MUSK: variants seen among roughly 807,000 people sequenced by gnomAD.
MUSK encodes the protein muscle, skeletal receptor tyrosine-protein kinase.
Under a neutral mutation model 88.7 loss-of-function variants are expected in MUSK, and 55 were observed. The observed-to-expected ratio is 0.62, with a 90% confidence interval of 0.50 to 0.78. The LOEUF is 0.78. MUSK is among the 30% of genes least tolerant of loss of function. The probability of loss-of-function intolerance (pLI) is 0.00; values close to 1 mark genes in which losing one functional copy is unlikely to be tolerated. For missense variants in MUSK, 1,015 were observed against 1,074.3 expected (o/e 0.94, Z 0.77); for synonymous variants, 387 against 391.9 (o/e 0.99, Z 0.15).
At chr9:110,730,952 AACTT>A (rs1453671683) in intron 5 of MUSK, among the ~76,000 whole-genome samples, 2 of 151,968 alleles carry the variant, frequency 1.3e-5, no homozygotes, top group African/African-American at 2.4e-5. Context: ...TGACCTGGTA[AACTT>A]ACTTACACAC....
rs948002796 is a variant in MUSK at position 110,806,038 on chromosome 9, A to G, written c.*5050A>G. Among the ~76,000 whole-genome samples the G allele has an allele frequency of 2.6e-5, 4 of 152,062 alleles. No homozygotes were observed. The highest frequency in any genetic ancestry group is 9.7e-5 in the African/African-American group (4 of 41,444). The stretch of plus-strand genomic sequence containing the variant: ...TAAAAAAACTCACAAGAGGGTAAAA[A>G]TTAAAAAAATAATAAAAGTTCCCTT... On this transcript the variant is annotated 3_prime_UTR_variant, in exon 15 of 15. Transcript: ENST00000374448.
rs199586122 is a variant in MUSK at position 110,695,457 on chromosome 9, C to T, written c.413C>T (p.Ala138Val). The T allele has an allele frequency of 2.6e-6, 4 of 1,547,740 alleles. No homozygotes were observed. The highest frequency in any genetic ancestry group is 1.4e-5 in the African/African-American group (1 of 73,458). ...INVKIIEGLK[A>V]VLPCTTMGNP... ...GTGAAAATAATAGAGGGATTAAAAG[C>T]AGTCCTACCATGTACTACAATGGGT... is the stretch of plus-strand genomic sequence containing the variant. Residue 138 changes from alanine (A) to valine (V), a missense_variant, in exon 4 of 15, where the codon GCA becomes GTA. Physicochemically the swap from Ala to Val is moderately conservative, Grantham distance 64 (BLOSUM62 0). Transcript: ENST00000374448.
Position 110,715,115 on chromosome 9 carries a change from T to C in MUSK, c.628+17649T>C, listed in dbSNP as rs527881059. Among the ~76,000 whole-genome samples the C allele has an allele frequency of 2.7e-5, 4 of 149,712 alleles. No homozygotes were observed. In the East Asian group the frequency reaches 7.8e-4, roughly 29 times the overall value. On this transcript the variant is annotated intron_variant, in intron 5 of 14. Transcript: ENST00000374448. ...CGTTACAAAATAAAATAAAGCCTTC[T>C]CCCTTTGAAGTCCGCTAAAGGAACA... is the stretch of plus-strand genomic sequence containing the variant.
At chr9:110,704,057 A>G (rs2131746072) in intron 5 of MUSK, among the ~76,000 whole-genome samples, 1 of 152,314 alleles carries the variant, frequency 6.6e-6, no homozygotes, top group African/African-American at 2.4e-5. Context: ...ACTTTCATCT[A>G]TCCTTACAAT....
intron 7 of MUSK, among the ~76,000 whole-genome samples, chr9:110,760,480 T>C (rs1384468526): frequency 2.0e-5 from 3 of 152,054 alleles, no homozygotes; most frequent in African/African-American, 7.2e-5. Context: ...AAATACTGCA[T>C]GTTCCCACTT....
chr9:110,768,127 A>G (rs1350699806), intron 9 of MUSK, 44 bp downstream of exon 9: 1 of 1,546,300 alleles, frequency 6.5e-7, no homozygotes, highest in Non-Finnish European at 8.8e-7. Context: ...CCATTTTTCT[A>G]TCTGCACAAC....
chr9:110,785,062 C>A, intron 12 of MUSK, 46 bp downstream of exon 12: 2 of 1,552,658 alleles, frequency 1.3e-6, no homozygotes, highest in Non-Finnish European at 1.8e-6. Context: ...TATTTTAAAG[C>A]CTTGTGTTTT....
intron 7 of MUSK, among the ~76,000 whole-genome samples, chr9:110,758,577 A>G (rs931788189): frequency 6.6e-6 from 1 of 152,220 alleles, no homozygotes; most frequent in African/African-American, 2.4e-5. Flanking sequence ...CATAGCAATC[A>G]GATAAGGGAA....
intron 1 of MUSK, among the ~76,000 whole-genome samples, chr9:110,678,634 C>A (rs2076061997): frequency 6.6e-6 from 1 of 151,930 alleles, no homozygotes; most frequent in Admixed American, 6.6e-5. Flanking sequence ...TTTTAAAATT[C>A]TTAATTCTTT....
At position 110,801,067 on chromosome 9, in the gene MUSK, A is replaced by T. The variant is rs1026110034; in HGVS notation, c.*79A>T. On this transcript the variant is annotated 3_prime_UTR_variant, in exon 15 of 15. Transcript: ENST00000374448. ...AGGGGAATCCTACACCAGAGGCCCA[A>T]CAAGACCCACATAGGAAAGAGTAAG... is the stretch of plus-strand genomic sequence containing the variant. 1.6e-6 allele frequency: 2 copies of T among 1,225,786 alleles called. No homozygotes were observed. Among genetic ancestry groups the T allele is most frequent in the Non-Finnish European group, 2.2e-6 (2 of 913,124 alleles). The allele number at this position is 1,225,786 out of a possible 1,614,324, so 75.9% of individuals were successfully genotyped here.
chr9:110,705,368 C>A (rs576750226), intron 5 of MUSK, among the ~76,000 whole-genome samples: 1 of 152,208 alleles, frequency 6.6e-6, no homozygotes, highest in South Asian at 2.1e-4. Context: ...CATGCCATTT[C>A]TTTAGGGAAG....
chr9:110,800,421 T>C lies in MUSK; in HGVS notation c.2043T>C (p.Ser681=). 23 of 1,613,864 alleles carry C rather than the reference T, an allele frequency of 1.4e-5. No individual in the cohort carries two copies. The highest frequency in any genetic ancestry group is 1.9e-5 in the Non-Finnish European group (23 of 1,179,842). Residue 681 remains serine (S), a synonymous_variant, in exon 15 of 15, where the codon AGT becomes AGC. Coordinates refer to ENST00000374448, the MANE Select transcript of MUSK (RefSeq NM_005592.4). ...ACACCGTGTGCAGCCTCAGTCACAG[T>C]GACTTGTCTATGAGGGCTCAGGTCT... ...SPHTVCSLSH[S]DLSMRAQVSS...
At chr9:110,689,535 A>ATATATAGT (rs1162050757) in intron 3 of MUSK, among the ~76,000 whole-genome samples, 1 of 13,436 alleles carries the variant, frequency 7.4e-5, no homozygotes, top group African/African-American at 1.5e-3. Flanking sequence ...CTATATATAA[A>ATATATAGT]TATATAGTTA....
chr9:110,702,454 C>G (rs1372498024), intron 5 of MUSK, among the ~76,000 whole-genome samples: 2 of 152,104 alleles, frequency 1.3e-5, no homozygotes, highest in Non-Finnish European at 1.5e-5. Context: ...GGCACAAAAA[C>G]ACAACACAAT....
intron 5 of MUSK, among the ~76,000 whole-genome samples, chr9:110,725,565 T>G (rs1359389011): frequency 6.6e-6 from 1 of 152,036 alleles, no homozygotes; most frequent in Non-Finnish European, 1.5e-5. Flanking sequence ...CAGTCATTGA[T>G]TATTCTAAAT....
chr9:110,744,066 C>T (rs912970227), intron 6 of MUSK, among the ~76,000 whole-genome samples: 2 of 151,956 alleles, frequency 1.3e-5, no homozygotes, highest in Non-Finnish European at 2.9e-5. Flanking sequence ...CTCCTGGGTT[C>T]AAGCAATGCT....
chr9:110,713,782 C>T (rs780021965), intron 5 of MUSK, among the ~76,000 whole-genome samples: 2 of 152,048 alleles, frequency 1.3e-5, no homozygotes, highest in Non-Finnish European at 2.9e-5. Context: ...TTCCGGTTGG[C>T]TAAAACAAAA....
chr9:110,732,985 C>T (rs531252030), intron 5 of MUSK, among the ~76,000 whole-genome samples: 2 of 152,198 alleles, frequency 1.3e-5, no homozygotes, highest in South Asian at 2.1e-4. Flanking sequence ...TACTCTGGAC[C>T]TGTTCTATCA....
chr9:110,758,483 G>A (rs991482674), intron 7 of MUSK, among the ~76,000 whole-genome samples: 4 of 152,136 alleles, frequency 2.6e-5, no homozygotes, highest in African/African-American at 9.7e-5. Flanking sequence ...GGCAAAAGCT[G>A]GAAGTATTCC....
Sources: gnomAD v4.1 joint callset for allele counts (sites outside exome capture counted in the v4.1 genomes callset) on GRCh38, gnomAD v4.1.1 for gene constraint, MANE v1.5 for transcripts, NCBI Gene and HGNC (gene_info 2026-07-23, HGNC 2026-07-21) for gene names.